The following C16orf95 variants were observed in gnomAD, a reference collection of about 807,000 sequenced individuals.
The protein encoded by C16orf95 is chromosome 16 open reading frame 95.
In C16orf95, 41 loss-of-function variants were observed where a neutral mutation model predicts 32.1. The ratio of observed to expected loss-of-function variants is 1.28; its 90% confidence interval spans 1.00 to 1.66. The LOEUF (loss-of-function observed/expected upper bound fraction) is 1.66, where lower values mean the gene tolerates loss of function less well. C16orf95 is among the 40% of genes most tolerant of loss of function. The probability of loss-of-function intolerance (pLI) is 0.00; values close to 1 mark genes in which losing one functional copy is unlikely to be tolerated. For synonymous variants in C16orf95, 147 were observed against 128.9 expected (o/e 1.14, Z -0.95); for missense variants, 399 against 325.9 (o/e 1.22, Z -1.73).
At chr16:87,310,364 G>A (rs1431295456) in intron 4 of C16orf95, 31 bp from the exon 5 acceptor site, 2 of 1,535,614 alleles carry the variant, frequency 1.3e-6, no homozygotes, top group Non-Finnish European at 1.7e-6. Flanking sequence ...CAAGCAGTCA[G>A]CCTGGCGACC....
At position 87,315,776 on chromosome 16, in the gene C16orf95, T is replaced by C. The variant is rs1384427161; in HGVS notation, c.200A>G (p.His67Arg). Residue 67 changes from histidine to arginine, a missense_variant, in exon 2 of 7, where the codon CAT becomes CGT. His to Arg is a conservative substitution (Grantham distance 29, BLOSUM62 0). Coordinates refer to ENST00000567970, the MANE Select transcript of C16orf95 (RefSeq NM_001195124.3). ...CTGAGGATTTGCTTTCCTTACCGAA[T>C]GACGGGGGAGGCACACTTCTTTCTT... is the stretch of plus-strand genomic sequence containing the variant. ...TYKKEVCLPRHSMHPGPWAIC... is the reference protein window; with the variant it reads ...TYKKEVCLPRRSMHPGPWAIC... 1 of 1,530,124 alleles carries C rather than the reference T, an allele frequency of 6.5e-7. No individual in the cohort carries two copies. Among genetic ancestry groups the C allele is most frequent in the South Asian group, 1.2e-5 (1 of 82,900 alleles). 94.8% of individuals were successfully genotyped at this position (1,530,124 alleles called of 1,614,324 possible). A position where few individuals can be genotyped will look rare whatever the true frequency, so the allele number is the denominator to read the frequency against.
rs1250249361 is a variant in C16orf95, at chr16:87,305,922, T to G, written c.515-17A>C. The G allele has an allele frequency of 7.1e-7, 1 of 1,408,418 alleles. No homozygotes were observed. The highest frequency in any genetic ancestry group is 9.2e-7 in the Non-Finnish European group (1 of 1,085,584). 87.2% of individuals were successfully genotyped at this position (1,408,418 alleles called of 1,614,324 possible). On this transcript the variant is annotated splice_polypyrimidine_tract_variant and intron_variant, in intron 5 of 6. Coordinates refer to ENST00000567970, the MANE Select transcript of C16orf95 (RefSeq NM_001195124.3). The surrounding 1 kb of genome is among the most constrained non-coding windows in gnomAD (Gnocchi z 4.2). ...GCAGGGGTGCTAGGCAAAGAAAAGG[T>G]GGGTTGAGGACAGGGCGTGTTCTCC...
chr16:87,306,406 C>T (rs932101390), intron 5 of C16orf95, among the ~76,000 whole-genome samples: 1 of 152,108 alleles, frequency 6.6e-6, no homozygotes, highest in Non-Finnish European at 1.5e-5. Flanking sequence ...ACTTTCTACA[C>T]GGGGTCTGGT....
chr16:87,310,375 C>A (rs1467061239), intron 4 of C16orf95, 42 bp from the exon 5 acceptor site: 1 of 1,533,516 alleles, frequency 6.5e-7, no homozygotes. Context: ...CCTGGCGACC[C>A]TCCAAGGGGG....
At chr16:87,317,053 T>C (rs1199223511) in intron 1 of C16orf95, 38 bp downstream of exon 1, 5 of 1,473,692 alleles carry the variant, frequency 3.4e-6, no homozygotes, top group South Asian at 1.3e-5. Flanking sequence ...ACAGGCGAGG[T>C]GTCGGGTAGC....
At chr16:87,315,198 C>T in intron 2 of C16orf95, 102 bp from the exon 3 acceptor site, 1 of 1,273,588 alleles carries the variant, frequency 7.9e-7, no homozygotes, top group Non-Finnish European at 1.1e-6. Flanking sequence ...AAGATGGTGT[C>T]CGGGGGCAGG....
Position 87,308,476 on chromosome 16 carries a change from C to CAATAAATA in C16orf95, c.514+1813_514+1820dup, listed in dbSNP as rs60809347. 1.7e-3 allele frequency among the ~76,000 whole-genome samples: 243 copies of CAATAAATA among 146,898 alleles called. 1 individual carries two copies. The highest frequency in any genetic ancestry group is 2.9e-3 in the South Asian group (13 of 4,458). On this transcript the variant is annotated intron_variant, in intron 5 of 6. Coordinates refer to ENST00000567970, the MANE Select transcript of C16orf95 (RefSeq NM_001195124.3). ...TGGGTGACAAAGTGAGACTGCATCT[C>CAATAAATA]AATAAATAAATAAATAAATAAATAA...
Position 87,317,332 on chromosome 16 carries a change from A to G in C16orf95, c.-90T>C, listed in dbSNP as rs1904398023. 6.9e-7 allele frequency: 1 copy of G among 1,439,904 alleles called. No individual in the cohort carries two copies. Among genetic ancestry groups the G allele is most frequent in the Non-Finnish European group, 9.1e-7 (1 of 1,096,404 alleles). The allele number at this position is 1,439,904 out of a possible 1,614,324, so 89.2% of individuals were successfully genotyped here. A position where few individuals can be genotyped will look rare whatever the true frequency, so the allele number is the denominator to read the frequency against. On this transcript the variant is annotated 5_prime_UTR_variant, in exon 1 of 7. Transcript: ENST00000567970. The stretch of plus-strand genomic sequence containing the variant: ...TCCCGCCTTTCCCTCCTGCCCCAGG[A>G]GGAACCCAACCCGAGCTCAACCCCA...
At chr16:87,308,052 A>G (rs78692816) in intron 5 of C16orf95, among the ~76,000 whole-genome samples, 8,408 of 152,244 alleles carry the variant, frequency 0.055, 725 homozygotes, top group African/African-American at 0.18. Context: ...TTTCCCATCA[A>G]AACTCTCACA....
chr16:87,316,928 T>C, intron 1 of C16orf95, among the ~76,000 whole-genome samples, 163 bp downstream of exon 1: 1 of 152,182 alleles, frequency 6.6e-6, no homozygotes, highest in East Asian at 1.9e-4. Context: ...CATTTTCAGT[T>C]ATGTGGAACC....
At chr16:87,313,134 A>C (rs1465035615) in intron 3 of C16orf95, among the ~76,000 whole-genome samples, 1 of 152,052 alleles carries the variant, frequency 6.6e-6, no homozygotes, top group African/African-American at 2.4e-5. Context: ...CCCAATCAAA[A>C]TTCCAGTAGG....
intron 6 of C16orf95, among the ~76,000 whole-genome samples, chr16:87,304,412 C>T (rs1427488861): frequency 6.6e-6 from 1 of 152,246 alleles, no homozygotes; most frequent in Non-Finnish European, 1.5e-5. Flanking sequence ...CCTTGCCCAT[C>T]CTTTAAGGCC....
At chr16:87,310,014 T>A (rs1325102085) in intron 5 of C16orf95, among the ~76,000 whole-genome samples, 1 of 152,138 alleles carries the variant, frequency 6.6e-6, no homozygotes, top group East Asian at 1.9e-4. Context: ...CCACTTGAGG[T>A]CTCATCCAAG....
chr16:87,313,692 C>T (rs1302150917), intron 3 of C16orf95, among the ~76,000 whole-genome samples: 1 of 152,106 alleles, frequency 6.6e-6, no homozygotes, highest in Non-Finnish European at 1.5e-5. Flanking sequence ...CATGATTGTG[C>T]ACTCCAATCT....
At chr16:87,307,290 G>T (rs936197341) in intron 5 of C16orf95, among the ~76,000 whole-genome samples, 1 of 152,158 alleles carries the variant, frequency 6.6e-6, no homozygotes, top group African/African-American at 2.4e-5. Flanking sequence ...AAGTAATGGT[G>T]GGTGTGGAGG....
intron 2 of C16orf95, among the ~76,000 whole-genome samples, chr16:87,315,315 C>T (rs1340546628): frequency 6.6e-6 from 1 of 152,154 alleles, no homozygotes; most frequent in African/African-American, 2.4e-5. Flanking sequence ...AAATCAGGTG[C>T]GCTGGGATTC....
At chr16:87,314,877 C>A in intron 3 of C16orf95, 94 bp downstream of exon 3, 1 of 1,031,564 alleles carries the variant, frequency 9.7e-7, no homozygotes, top group Non-Finnish European at 1.4e-6. Flanking sequence ...GTTAAAATAT[C>A]CATTCATATA....
At chr16:87,308,484 A>C (rs1597343767) in intron 5 of C16orf95, among the ~76,000 whole-genome samples, 1 of 72,338 alleles carries the variant, frequency 1.4e-5, no homozygotes, top group Non-Finnish European at 4.6e-5. Flanking sequence ...CTCAATAAAT[A>C]AATAAATAAA....
chr16:87,312,565 T>G (rs1253572977), intron 3 of C16orf95, among the ~76,000 whole-genome samples: 1 of 81,284 alleles, frequency 1.2e-5, no homozygotes, highest in Non-Finnish European at 2.6e-5. Context: ...TGAGACTCCA[T>G]CTCAAAAAAA....
Sources: allele counts gnomAD v4.1 joint callset (sites outside exome capture counted in the v4.1 genomes callset), GRCh38; gene constraint gnomAD v4.1.1; non-coding constraint Gnocchi (gnomAD v3.1); transcripts MANE v1.5; gene names NCBI Gene and HGNC (gene_info 2026-07-23, HGNC 2026-07-21).